Variants in HPSE2 observed in about 807,000 individuals in gnomAD.
HPSE2 encodes inactive heparanase-2.
A neutral mutation model predicts 60.5 loss-of-function variants in HPSE2; 38 were observed. The ratio of observed to expected loss-of-function variants is 0.63; its 90% CI spans 0.48 to 0.82. HPSE2 has a LOEUF of 0.82. HPSE2 is among the 40% of genes least tolerant of loss of function. HPSE2 has a pLI of 0.00. For missense variants in HPSE2, 713 were observed against 740.4 expected (o/e 0.96, Z 0.43); for synonymous variants, 295 against 293.2 (o/e 1.01, Z -0.06).
chr10:99,169,937 TA>T (rs1171870205), intron 2 of HPSE2, among the ~76,000 whole-genome samples: 1 of 151,968 alleles, frequency 6.6e-6, no homozygotes, highest in Non-Finnish European at 1.5e-5. Flanking sequence ...CTTTCTAAAT[TA>T]AAAAAACAAA....
the HPSE2 span, among the ~76,000 whole-genome samples, chr10:99,245,477 C>T: frequency 2.6e-5 from 4 of 152,200 alleles, no homozygotes; most frequent in Non-Finnish European, 4.4e-5. Context: ...AGTGAAAGTT[C>T]AGATAGAGAG....
chr10:98,538,511 A>G (rs758130491), intron 9 of HPSE2, among the ~76,000 whole-genome samples: 67 of 152,224 alleles, frequency 4.4e-4, no homozygotes, highest in Non-Finnish European at 7.6e-4. Context: ...TGTCTATATA[A>G]TGTCCCCAGA....
intron 3 of HPSE2, among the ~76,000 whole-genome samples, chr10:98,770,054 A>G (rs1950207551): frequency 6.6e-6 from 1 of 152,202 alleles, no homozygotes; most frequent in Admixed American, 6.6e-5. Flanking sequence ...TAGGGCACGC[A>G]CTTGGTGACA....
At chr10:99,186,907 C>G (rs1306582734) in intron 2 of HPSE2, among the ~76,000 whole-genome samples, 1 of 151,980 alleles carries the variant, frequency 6.6e-6, no homozygotes, top group Non-Finnish European at 1.5e-5. Flanking sequence ...TTCAGTCTCC[C>G]TAGTAGCTGG....
chr10:98,913,659 C>A (rs529685058), intron 3 of HPSE2, among the ~76,000 whole-genome samples: 1 of 152,132 alleles, frequency 6.6e-6, no homozygotes, highest in Non-Finnish European at 1.5e-5. Context: ...AAATGAGCAG[C>A]CCAAATGCCA....
intron 3 of HPSE2, among the ~76,000 whole-genome samples, chr10:99,129,155 T>C (rs1017216476): frequency 2.0e-5 from 3 of 151,944 alleles, no homozygotes; most frequent in Non-Finnish European, 4.4e-5. Context: ...TATAAAACAA[T>C]GAAATGAGAT....
At chr10:98,862,979 G>C (rs932629466) in intron 3 of HPSE2, among the ~76,000 whole-genome samples, 7 of 152,088 alleles carry the variant, frequency 4.6e-5, no homozygotes, top group Non-Finnish European at 8.8e-5. Flanking sequence ...CCCCAGGCTT[G>C]TCTCAAACTC....
chr10:98,520,989 T>G (rs1942772879), intron 9 of HPSE2, among the ~76,000 whole-genome samples: 1 of 152,104 alleles, frequency 6.6e-6, no homozygotes, highest in South Asian at 2.1e-4. Context: ...AAAAATTAAT[T>G]CAAGATGGAT....
intron 3 of HPSE2, among the ~76,000 whole-genome samples, chr10:98,908,489 G>T (rs1953886181): frequency 1.3e-5 from 2 of 151,980 alleles, no homozygotes; most frequent in Non-Finnish European, 2.9e-5. Context: ...TTCAAGACCA[G>T]CCTGACCAAC....
chr10:99,018,318 G>A (rs1240074189), intron 3 of HPSE2, among the ~76,000 whole-genome samples: 4 of 152,154 alleles, frequency 2.6e-5, no homozygotes, highest in Non-Finnish European at 5.9e-5. Flanking sequence ...AGTAGTTTAC[G>A]GCTGGGTTTT....
chr10:99,220,686 C>T (rs1393656246), intron 2 of HPSE2, among the ~76,000 whole-genome samples: 1 of 151,666 alleles, frequency 6.6e-6, no homozygotes, highest in African/African-American at 2.4e-5. Flanking sequence ...GCCTGTAGTC[C>T]CACCTACTCC....
At chr10:99,237,032 A>C (rs970244013), upstream of HPSE2, among the ~76,000 whole-genome samples, 4 of 152,112 alleles carry the variant, frequency 2.6e-5, no homozygotes, top group Admixed American at 2.6e-4. Flanking sequence ...CTGGATGGGG[A>C]ATAACAGCCG....
the HPSE2 span, among the ~76,000 whole-genome samples, chr10:99,279,866 C>T: frequency 1.3e-5 from 2 of 152,164 alleles, no homozygotes; most frequent in South Asian, 2.1e-4. Context: ...ATAAAACAGA[C>T]GTGACTTTCC....
chr10:98,925,102 T>C (rs369597403), intron 3 of HPSE2, among the ~76,000 whole-genome samples: 2 of 152,328 alleles, frequency 1.3e-5, no homozygotes, highest in East Asian at 3.9e-4. Flanking sequence ...GGGATGGAGG[T>C]GAGGTGGTGT....
chr10:99,101,305 A>C (rs1318361645), intron 3 of HPSE2, among the ~76,000 whole-genome samples: 2 of 152,222 alleles, frequency 1.3e-5, no homozygotes, highest in African/African-American at 2.4e-5. Context: ...TCTACCAAGC[A>C]AATGGAAAAC....
chr10:99,219,636 C>T (rs918007239), intron 2 of HPSE2, among the ~76,000 whole-genome samples: 12 of 152,296 alleles, frequency 7.9e-5, no homozygotes, highest in African/African-American at 2.2e-4. Context: ...AGCTCTTCTA[C>T]GTAAAAGCCC....
rs56694752 is a variant in HPSE2 at position 99,105,061 on chromosome 10, TAA to T, written c.610+39175_610+39176del. Among the ~76,000 whole-genome samples, 252 of 138,214 alleles carry T rather than the reference TAA, an allele frequency of 1.8e-3. 1 individual carries two copies. The highest frequency in any genetic ancestry group is 4.4e-3 in the African/African-American group (163 of 37,306). 90.7% of individuals were successfully genotyped at this position (138,214 alleles called of 152,430 possible). On this transcript the variant is annotated intron_variant, in intron 3 of 11. Coordinates refer to ENST00000370552, the MANE Select transcript of HPSE2 (RefSeq NM_021828.5). Reference sequence around the variant, plus strand: ...ATGTACCCTAGAACTTAAAATATAATAAAAAAAAAAAAAAAGAAAAGCTAGGA... The same window carrying T: ...ATGTACCCTAGAACTTAAAATATAATAAAAAAAAAAAAAGAAAAGCTAGGA...
intron 3 of HPSE2, among the ~76,000 whole-genome samples, chr10:98,805,855 T>C (rs1001475941): frequency 1.3e-5 from 2 of 152,120 alleles, no homozygotes; most frequent in Middle Eastern, 3.2e-3. Context: ...TATTTTGCCA[T>C]GAATATTAGC....
At chr10:98,518,926 A>C (rs1474666506) in intron 9 of HPSE2, among the ~76,000 whole-genome samples, 7 of 152,202 alleles carry the variant, frequency 4.6e-5, no homozygotes, top group Non-Finnish European at 1.0e-4. Flanking sequence ...TAGGGAAACA[A>C]GGTCCAAGAC....
Sources: allele counts gnomAD v4.1 joint callset (sites outside exome capture counted in the v4.1 genomes callset), GRCh38; gene constraint gnomAD v4.1.1; transcripts MANE v1.5; gene names NCBI Gene and HGNC (gene_info 2026-07-23, HGNC 2026-07-21).